Variants in CTBP1 observed in about 807,000 individuals in gnomAD.
The protein encoded by CTBP1 is C-terminal-binding protein 1.
A neutral mutation model predicts 42.1 loss-of-function variants in CTBP1; 11 were observed. The ratio of observed to expected loss-of-function variants is 0.26; its 90% CI spans 0.16 to 0.43. The LOEUF (loss-of-function observed/expected upper bound fraction) is 0.43. Among genes scored for constraint, CTBP1 ranks in the 20% least tolerant of loss-of-function variants. The probability of loss-of-function intolerance (pLI) is 1.00; values close to 1 mark genes in which losing one functional copy is unlikely to be tolerated. For synonymous variants in CTBP1, 324 were observed against 277.1 expected, an observed-to-expected ratio of 1.17 and a Z score of -1.68; for missense variants, 399 against 624.3, an observed-to-expected ratio of 0.64 and a Z score of 3.85.
chr4:1,211,898 A>T lies in CTBP1; in HGVS notation c.*342T>A. The T allele has an allele frequency of 4.8e-6, 1 of 208,074 alleles. No individual in the cohort carries two copies. 12.9% of individuals were successfully genotyped at this position (208,074 alleles called of 1,614,324 possible). A position where few individuals can be genotyped will look rare whatever the true frequency, so the allele number is the denominator to read the frequency against. ...AAAAAAACAAAAAAAAAAACCTCAA[A>T]TTGACTTCCAAATGCTCCTTCAGGT... On this transcript the variant is annotated 3_prime_UTR_variant, in exon 10 of 10. Transcript: ENST00000382952.
chr4:1,241,500 G>T lies in CTBP1; in HGVS notation c.-169C>A, dbSNP rs1732171314. 6.2e-7 allele frequency: 1 copy of T among 1,602,034 alleles called. No individual in the cohort carries two copies. The highest frequency in any genetic ancestry group is 1.3e-5 in the African/African-American group (1 of 75,002). ...TGATCCGCGGCAATCACTGAAGCCT[G>T]CGTCGGGGTCAAAGTCTTACTAAAA... is the stretch of plus-strand genomic sequence containing the variant. On this transcript the variant is annotated 5_prime_UTR_variant, in exon 2 of 10. Coordinates refer to ENST00000382952, the MANE Select transcript of CTBP1 (RefSeq NM_001012614.2).
chr4:1,241,989 C>T (rs778465656), intron 1 of CTBP1: 22 of 1,003,894 alleles, frequency 2.2e-5, no homozygotes, highest in Non-Finnish European at 2.6e-5. Context: ...TTCCCAGGAG[C>T]CACCGGGAGA....
intron 3 of CTBP1, chr4:1,237,974 G>A (rs1263487215): frequency 1.4e-6 from 1 of 730,350 alleles, no homozygotes; most frequent in Admixed American, 2.0e-5. Flanking sequence ...CCTCCTGATG[G>A]GGCTCAGGGC....
At chr4:1,248,545 G>A (rs1733003393) in intron 1 of CTBP1, 6 of 366,088 alleles carry the variant, frequency 1.6e-5, no homozygotes, top group Non-Finnish European at 2.3e-5. Flanking sequence ...ACCGGGGACG[G>A]GGTAGCGGCC....
intron 7 of CTBP1, 119 bp from the exon 8 acceptor site, chr4:1,213,724 G>C: frequency 1.5e-6 from 2 of 1,350,758 alleles, no homozygotes; most frequent in South Asian, 1.5e-5. Flanking sequence ...CAGACCCCAC[G>C]GCCCTGCTCT....
intron 4 of CTBP1, 33 bp downstream of exon 4, chr4:1,228,166 A>G (rs746677477): frequency 6.2e-7 from 1 of 1,610,724 alleles, no homozygotes; most frequent in African/African-American, 1.3e-5. Context: ...GCTTGCATGA[A>G]TGGGCACAGG....
chr4:1,250,191 G>C (rs1733188187), upstream of CTBP1: 1 of 175,272 alleles, frequency 5.7e-6, no homozygotes, highest in African/African-American at 2.4e-5. Context: ...TCGTGAGGAC[G>C]CGTCCTGGGC....
At chr4:1,248,808 G>A (rs1216129919) in intron 1 of CTBP1, 108 bp downstream of exon 1, 28 of 936,602 alleles carry the variant, frequency 3.0e-5, no homozygotes, top group African/African-American at 3.6e-5. Flanking sequence ...CACAAAGCCG[G>A]CGGCCCGCGG....
At chr4:1,221,721 G>A (rs1729756191) in intron 5 of CTBP1, 1 of 374,376 alleles carries the variant, frequency 2.7e-6, no homozygotes, top group South Asian at 2.0e-5. Flanking sequence ...TCGCAGGGTC[G>A]TCGCGGGGCC....
At chr4:1,220,887 C>T (rs1329536756) in intron 5 of CTBP1, among the ~76,000 whole-genome samples, 1 of 152,242 alleles carries the variant, frequency 6.6e-6, no homozygotes, top group African/African-American at 2.4e-5. Flanking sequence ...ACACAGAGAA[C>T]CTGTTACCCG....
chr4:1,224,409 T>C (rs527569013), intron 5 of CTBP1, among the ~76,000 whole-genome samples: 12 of 151,228 alleles, frequency 7.9e-5, no homozygotes, highest in Non-Finnish European at 1.3e-4. Context: ...GACCCATGTG[T>C]GCTGTGTGAG....
At chr4:1,243,357 C>T in intron 1 of CTBP1, 1 of 985,386 alleles carries the variant, frequency 1.0e-6, no homozygotes, top group Non-Finnish European at 1.2e-6. Context: ...TGTGGCAGGG[C>T]TCCTGGGGCC....
intron 3 of CTBP1, among the ~76,000 whole-genome samples, chr4:1,230,118 G>A (rs1269165607): frequency 1.3e-5 from 2 of 152,182 alleles, no homozygotes; most frequent in Non-Finnish European, 2.9e-5. Context: ...GACCCCTGGT[G>A]CACCAGACGC....
At chr4:1,212,689 GC>G (rs1728672179) in intron 9 of CTBP1, 2 of 611,950 alleles carry the variant, frequency 3.3e-6, no homozygotes, top group Non-Finnish European at 5.7e-6. Flanking sequence ...CGTGCCCATG[GC>G]ACTCCTGTGT....
chr4:1,241,635 G>A (rs1732187542), intron 1 of CTBP1, 116 bp from the exon 2 acceptor site: 5 of 1,391,640 alleles, frequency 3.6e-6, no homozygotes, highest in Non-Finnish European at 4.7e-6. Context: ...ACCCGGGACT[G>A]CTGTCTGGGA....
intron 6 of CTBP1, chr4:1,215,483 G>C: frequency 4.9e-6 from 1 of 203,332 alleles, no homozygotes; most frequent in Non-Finnish European, 1.0e-5. Flanking sequence ...GGGGAACGCA[G>C]GGCTGAGGCT....
chr4:1,249,335 C>G (rs1001873401), upstream of CTBP1: 1 of 150,532 alleles, frequency 6.6e-6, no homozygotes, highest in African/African-American at 2.4e-5. Context: ...ACGTTCTAAA[C>G]CGCCTGTCCC....
intron 3 of CTBP1, chr4:1,231,213 C>CTCG (rs3836583): frequency 0.78 from 118,273 of 151,972 alleles, 47,104 homozygotes; most frequent in South Asian, 0.91. Flanking sequence ...GCCACAGCGG[C>CTCG]TCAGCCTCAG....
chr4:1,231,038 G>A (rs1389215416), intron 3 of CTBP1: 2 of 152,262 alleles, frequency 1.3e-5, no homozygotes, highest in Non-Finnish European at 2.9e-5. Context: ...ATAGTATTAG[G>A]TGAAAGCATT....
Sources: gnomAD v4.1 joint callset for allele counts (sites outside exome capture counted in the v4.1 genomes callset) on GRCh38, gnomAD v4.1.1 for gene constraint, MANE v1.5 for transcripts, NCBI Gene and HGNC (gene_info 2026-07-23, HGNC 2026-07-21) for gene names.